Variants in PLCE1 observed in about 807,000 individuals in gnomAD.
PLCE1 encodes the protein phospholipase C epsilon 1.
A neutral mutation model predicts 242.8 loss-of-function variants in PLCE1; 119 were observed. That is an observed-to-expected ratio of 0.49 (90% CI 0.42 to 0.57). The LOEUF (loss-of-function observed/expected upper bound fraction) is 0.57. PLCE1 is among the 20% of genes least tolerant of loss of function. The pLI is 0.00. For synonymous variants in PLCE1, 945 were observed against 1,017.4 expected (o/e 0.93, Z 1.35); for missense variants, 2,441 against 2,788.8 (o/e 0.88, Z 2.81).
intron 2 of PLCE1, among the ~76,000 whole-genome samples, chr10:94,046,906 C>T (rs1054095390): frequency 3.9e-5 from 6 of 152,130 alleles, no homozygotes; most frequent in African/African-American, 1.4e-4. Flanking sequence ...TTAACAAACA[C>T]GTTACAAATG....
chr10:94,271,382 T>A lies in PLCE1; in HGVS notation c.4506+780T>A, dbSNP rs547660012. On this transcript the variant is annotated intron_variant, in intron 18 of 32. Transcript: ENST00000371380. ...CAGGCTGGAGTGCAGTGGTGCAATC[T>A]CTGCTCACTGCAAGCTCTGCCTCCC... 4.3e-5 allele frequency among the ~76,000 whole-genome samples: 6 copies of A among 139,304 alleles called. No homozygotes were observed. In the South Asian group the frequency reaches 1.5e-3, roughly 36 times the overall value. The allele number at this position is 139,304 out of a possible 152,430, so 91.4% of individuals were successfully genotyped here. A position where few individuals can be genotyped will look rare whatever the true frequency, so the allele number is the denominator to read the frequency against.
chr10:94,281,378 A>G (rs139744150), intron 20 of PLCE1, among the ~76,000 whole-genome samples: 505 of 152,276 alleles, frequency 3.3e-3, no homozygotes, highest in African/African-American at 0.012. Flanking sequence ...TGTAGATTTC[A>G]CATAAAGAAA....
intron 3 of PLCE1, among the ~76,000 whole-genome samples, chr10:94,148,148 G>A (rs1056795924): frequency 3.3e-5 from 5 of 152,118 alleles, no homozygotes; most frequent in Non-Finnish European, 5.9e-5. Context: ...CTTGCCTCAG[G>A]TCATTATAAT....
In PLCE1 at chr10:94,171,475, T is replaced by A. The variant is rs767353083; in HGVS notation, c.1788T>A (p.Asp596Glu). The change falls in exon 4 of 33, where the codon GAT (aspartate) becomes GAA (glutamate). Residue 596 changes from aspartate (D) to glutamate (E), a missense_variant. By Grantham distance (45) the Asp-to-Glu change is conservative. Around this residue, in one of 5 missense-constraint regions of PLCE1, gnomAD observed 733 missense variants for 754.2 expected, o/e 0.97. Transcript: ENST00000371380. The part of the protein sequence containing the change: ...TQNGEHNALE[D>E]LVMRFNEVSS... Reference sequence around the variant, plus strand: ...ATGGAGAGCACAATGCCCTTGAAGATCTGGTGATGAGGTTTAATGAGGTAA... The same window carrying A: ...ATGGAGAGCACAATGCCCTTGAAGAACTGGTGATGAGGTTTAATGAGGTAA... The A allele has an allele frequency of 1.3e-5, 21 of 1,614,114 alleles. No individual in the cohort carries two copies. The East Asian group carries it at 4.7e-4, about 36-fold the overall frequency.
chr10:94,034,480 G>A (rs2061626228), intron 2 of PLCE1, among the ~76,000 whole-genome samples: 1 of 152,202 alleles, frequency 6.6e-6, no homozygotes, highest in African/African-American at 2.4e-5. Context: ...TAGCTAGTAA[G>A]TGAAATAACT....
At chr10:94,041,054 T>C (rs1198527371) in intron 2 of PLCE1, among the ~76,000 whole-genome samples, 2 of 152,018 alleles carry the variant, frequency 1.3e-5, no homozygotes, top group Non-Finnish European at 2.9e-5. Context: ...CCTTTGCCTA[T>C]CCTTGGCTTA....
At position 94,246,443 on chromosome 10, in the gene PLCE1, C is replaced by T; in HGVS notation, c.2918C>T (p.Thr973Ile). The change falls in exon 8 of 33, where the codon ACA becomes ATA. Residue 973 changes from threonine (T) to isoleucine (I), a missense_variant. Thr to Ile is a moderately conservative substitution (Grantham distance 89). Coordinates refer to ENST00000371380, the MANE Select transcript of PLCE1 (RefSeq NM_016341.4). ...ATGTTCCTGTCAGAGACTGGTGTGA[C>T]ATTGCTCTATGGGCTTCAGACCACA... ...GSMFLSETGV[T>I]LLYGLQTTDN... 1 of 1,614,206 alleles carries T rather than the reference C, an allele frequency of 6.2e-7. No individual in the cohort carries two copies. Among genetic ancestry groups the T allele is most frequent in the Non-Finnish European group, 8.5e-7 (1 of 1,180,014 alleles).
chr10:94,096,328 G>A (rs1309048470), intron 2 of PLCE1: 1 of 152,132 alleles, frequency 6.6e-6, no homozygotes, highest in Non-Finnish European at 1.5e-5. Context: ...TGCTAATAAA[G>A]ACATACTGAA....
At chr10:94,313,154 G>C in intron 27 of PLCE1, 100 bp from the exon 28 acceptor site, 1 of 1,393,496 alleles carries the variant, frequency 7.2e-7, no homozygotes. Flanking sequence ...GCATTTACAT[G>C]TTCCTATCCG....
chr10:94,193,706 G>A (rs1290923086), intron 4 of PLCE1, among the ~76,000 whole-genome samples: 2 of 152,190 alleles, frequency 1.3e-5, no homozygotes, highest in Non-Finnish European at 2.9e-5. Context: ...GGGCCAAAAC[G>A]AATTTCAAAA....
intron 8 of PLCE1, among the ~76,000 whole-genome samples, chr10:94,251,218 G>A (rs192743354): frequency 6.6e-5 from 10 of 152,294 alleles, no homozygotes; most frequent in Middle Eastern, 3.4e-3. Context: ...ACTATAAGAG[G>A]TCACCCAAAG....
Position 94,256,155 on chromosome 10 carries a change from T to C in PLCE1, c.3554+1106T>C, listed in dbSNP as rs138223067. 3.3e-3 allele frequency among the ~76,000 whole-genome samples: 501 copies of C among 151,278 alleles called. 4 individuals are homozygous for C. Among genetic ancestry groups the C allele is most frequent in the African/African-American group, 0.012 (483 of 41,224 alleles). ...CAGCCTGAGCAACAGAAACCCCATC[T>C]CTACAAAAAGTAAAACAATTAGCGG... On this transcript the variant is annotated intron_variant, in intron 11 of 32. Transcript: ENST00000371380.
At chr10:94,229,881 A>T (rs111641868) in intron 5 of PLCE1, among the ~76,000 whole-genome samples, 209 of 152,322 alleles carry the variant, frequency 1.4e-3, no homozygotes, top group Middle Eastern at 0.014. Context: ...CGAAAGTACC[A>T]CGTATAATAG....
intron 6 of PLCE1, among the ~76,000 whole-genome samples, chr10:94,234,611 G>T (rs905016887): frequency 1.3e-5 from 2 of 152,160 alleles, no homozygotes; most frequent in African/African-American, 4.8e-5. Context: ...TTTTCTTATT[G>T]GGTGGGAATG....
At chr10:94,045,027 G>T (rs934787822) in intron 2 of PLCE1, among the ~76,000 whole-genome samples, 2 of 151,984 alleles carry the variant, frequency 1.3e-5, no homozygotes, top group East Asian at 1.9e-4. Context: ...TAGAGACAGG[G>T]TCTTGCTCTG....
intron 2 of PLCE1, among the ~76,000 whole-genome samples, chr10:94,113,058 C>G (rs1193063325): frequency 6.6e-6 from 1 of 152,034 alleles, no homozygotes. Context: ...ACAGGCAAAT[C>G]TGTAGCGATG....
rs201683279 is a variant in PLCE1 at position 94,031,869 on chromosome 10, A to C, written c.823A>C (p.Met275Leu). 2.6e-5 allele frequency: 42 copies of C among 1,613,776 alleles called. 1 individual carries two copies. In the South Asian group the frequency reaches 4.3e-4, roughly 16 times the overall value. Residue 275 changes from methionine (M) to leucine (L), a missense_variant, in exon 2 of 33, where the codon ATG becomes CTG. Met to Leu is a conservative substitution (Grantham distance 15). Transcript: ENST00000371380. ...TGAAGGCTCTTGTGAGAAGGTTGACATGGTATATTCAGGTGATAGCTTTTG... is the reference window on the plus strand; with the variant it reads ...TGAAGGCTCTTGTGAGAAGGTTGACCTGGTATATTCAGGTGATAGCTTTTG... Reference protein sequence around the residue: ...CFEGSCEKVDMVYSGDSFCRK... With the variant: ...CFEGSCEKVDLVYSGDSFCRK...
At position 94,220,376 on chromosome 10, in the gene PLCE1, TTATATATATATATATATATATATATATA is replaced by T. The variant is rs59633337; in HGVS notation, c.1810-6914_1810-6887del. On this transcript the variant is annotated intron_variant, in intron 4 of 32. Coordinates refer to ENST00000371380, the MANE Select transcript of PLCE1 (RefSeq NM_016341.4). ...AATAAAAGCTTAAAAACTAAACATT[TTATATATATATATATATATATATATATA>T]TATATATATATATATGATTGGGCTA... 7.4e-4 allele frequency among the ~76,000 whole-genome samples: 46 copies of T among 61,908 alleles called. 1 individual carries two copies. Among genetic ancestry groups the T allele is most frequent in the Admixed American group, 1.9e-3 (10 of 5,304 alleles). 40.6% of individuals were successfully genotyped at this position (61,908 alleles called of 152,430 possible). A position where few individuals can be genotyped will look rare whatever the true frequency, so the allele number is the denominator to read the frequency against.
intron 2 of PLCE1, among the ~76,000 whole-genome samples, chr10:94,123,799 C>G: frequency 6.6e-6 from 1 of 152,180 alleles, no homozygotes. Flanking sequence ...GCGCAGAGCT[C>G]TTACACTTCA....
Sources: allele counts gnomAD v4.1 joint callset (sites outside exome capture counted in the v4.1 genomes callset), GRCh38; gene constraint gnomAD v4.1.1; regional missense constraint gnomAD v4.1.1; transcripts MANE v1.5; gene names NCBI Gene and HGNC (gene_info 2026-07-23, HGNC 2026-07-21).